Variants in POTEC observed in about 807,000 individuals in gnomAD.
The protein encoded by POTEC is POTE ankyrin domain family member C, also known as ANKRD26-like family B member 2.
In POTEC, 35 loss-of-function variants were observed where a neutral mutation model predicts 62.0. The ratio of observed to expected loss-of-function variants is 0.56; its 90% CI spans 0.43 to 0.75. The LOEUF (loss-of-function observed/expected upper bound fraction) is 0.75, where lower values mean the gene tolerates loss of function less well. POTEC is among the 30% of genes least tolerant of loss of function. The pLI, the probability that POTEC is intolerant of heterozygous loss-of-function variation, is 0.00. For synonymous variants in POTEC, 156 were observed against 221.5 expected, an observed-to-expected ratio of 0.70 and a Z score of 2.62; for missense variants, 472 against 655.9, an observed-to-expected ratio of 0.72 and a Z score of 3.06.
chr18:14,520,608 G>A (rs1298824149), intron 9 of POTEC, among the ~76,000 whole-genome samples: 1 of 151,652 alleles, frequency 6.6e-6, no homozygotes, highest in Non-Finnish European at 1.5e-5. Flanking sequence ...ATATGGTGAG[G>A]TGAATACTGA....
In POTEC at chr18:14,510,675, C is replaced by A. The variant is rs1909980496; in HGVS notation, c.*1223G>T. 6.6e-6 allele frequency: 1 copy of A among 152,168 alleles called. No homozygotes were observed. The highest frequency in any genetic ancestry group is 2.1e-4 in the South Asian group (1 of 4,824). The allele number at this position is 152,168 out of a possible 1,614,324, so 9.4% of individuals were successfully genotyped here. A position where few individuals can be genotyped will look rare whatever the true frequency, so the allele number is the denominator to read the frequency against. On this transcript the variant is annotated 3_prime_UTR_variant, in exon 11 of 11. Transcript: ENST00000358970. ...TGAACCTGTTGCCAATCTCAACACA[C>A]CTGTAGGATGTGACTGGAAGCAAGT...
chr18:14,515,515 C>A (rs974387401), intron 9 of POTEC, among the ~76,000 whole-genome samples: 1 of 152,102 alleles, frequency 6.6e-6, no homozygotes. Context: ...AAAATTGGAT[C>A]TCTACCTCTC....
chr18:14,526,947 C>A (rs1203076839), intron 6 of POTEC, among the ~76,000 whole-genome samples: 1 of 152,102 alleles, frequency 6.6e-6, no homozygotes, highest in Non-Finnish European at 1.5e-5. Flanking sequence ...TACTACGTAG[C>A]AAATTCTTAA....
rs45502401 is a variant in POTEC at position 14,543,093 on chromosome 18, G to T, written c.54C>A (p.Phe18Leu). 4 of 1,613,840 alleles carry T rather than the reference G, an allele frequency of 2.5e-6. No individual in the cohort carries two copies. In the Admixed American group the frequency reaches 5.0e-5, roughly 20 times the overall value. The change falls in exon 1 of 11, where the codon TTC becomes TTA. Residue 18 changes from phenylalanine (F) to leucine (L), a missense_variant. Around this residue, in one of 5 missense-constraint regions of POTEC, gnomAD observed 257 missense variants for 250.7 expected, o/e 1.03. Coordinates refer to ENST00000358970, the MANE Select transcript of POTEC (RefSeq NM_001137671.2). The stretch of plus-strand genomic sequence containing the variant: ...ACTTGCCCATCTTGCTCCTGAGATC[G>T]AATGGCTTCTTCACAGCAGAGGCAG... ...MPAASAVKKPFDLRSKMGKWF... is the reference protein window; with the variant it reads ...MPAASAVKKPLDLRSKMGKWF...
Position 14,511,990 on chromosome 18 carries a change from A to G in POTEC, c.1537T>C (p.Ser513Pro). ...TCTTCTTCTTTCTTATGACTAAGAGAAAGCTAAGTAAACAAAGGGAACTTT... is the reference window on the plus strand; with the variant it reads ...TCTTCTTCTTTCTTATGACTAAGAGGAAGCTAAGTAAACAAAGGGAACTTT... ...VAEKKMNSEL[S>P]LSHKKEEDLL... The change falls in exon 11 of 11, where the codon TCT (serine) becomes CCT (proline). Residue 513 changes from serine (S) to proline (P), a missense_variant. By Grantham distance (74) the Ser-to-Pro change is moderately conservative. Around this residue, in one of 5 missense-constraint regions of POTEC, gnomAD observed 67 missense variants for 58.3 expected, o/e 1.15. Coordinates refer to ENST00000358970, the MANE Select transcript of POTEC (RefSeq NM_001137671.2). 6.2e-7 allele frequency: 1 copy of G among 1,610,482 alleles called. No homozygotes were observed. Among genetic ancestry groups the G allele is most frequent in the Non-Finnish European group, 8.5e-7 (1 of 1,178,672 alleles).
chr18:14,537,211 A>ACACAC (rs1555624120), intron 3 of POTEC, among the ~76,000 whole-genome samples: 96 of 49,010 alleles, frequency 2.0e-3, no homozygotes, highest in Middle Eastern at 0.011. Flanking sequence ...ACACACACAC[A>ACACAC]AAAAAAAAAA....
intron 9 of POTEC, among the ~76,000 whole-genome samples, chr18:14,519,841 A>G (rs1910262426): frequency 6.6e-6 from 1 of 152,090 alleles, no homozygotes; most frequent in Non-Finnish European, 1.5e-5. Context: ...TGGACTAGAA[A>G]GGTAGGAGGA....
At chr18:14,523,340 T>G in intron 8 of POTEC, 123 bp downstream of exon 8, 1 of 1,211,524 alleles carries the variant, frequency 8.3e-7, no homozygotes, top group African/African-American at 1.6e-5. Context: ...AATATTAAAT[T>G]TTTCACTGGT....
Position 14,511,534 on chromosome 18 carries a change from G to A in POTEC, c.*364C>T, listed in dbSNP as rs45505294. On this transcript the variant is annotated 3_prime_UTR_variant, in exon 11 of 11. Coordinates refer to ENST00000358970, the MANE Select transcript of POTEC (RefSeq NM_001137671.2). Reference sequence around the variant, plus strand: ...AAAGAATCTCACTGTTATCTTTTAGGTGAGATATATGAGAATTCATTTTCT... The same window carrying A: ...AAAGAATCTCACTGTTATCTTTTAGATGAGATATATGAGAATTCATTTTCT... 8.1e-3 allele frequency: 2,472 copies of A among 303,804 alleles called. 49 individuals are homozygous for A. The highest frequency in any genetic ancestry group is 0.043 in the East Asian group (578 of 13,574). 18.8% of individuals were successfully genotyped at this position (303,804 alleles called of 1,614,324 possible).
At chr18:14,518,248 A>G (rs1226797226) in intron 9 of POTEC, among the ~76,000 whole-genome samples, 2 of 151,952 alleles carry the variant, frequency 1.3e-5, no homozygotes, top group Non-Finnish European at 2.9e-5. Flanking sequence ...TGAGAGTGAG[A>G]AAAACACACA....
In POTEC at chr18:14,543,535, G is replaced by A. The variant is rs1906040272; in HGVS notation, c.-389C>T. On this transcript the variant is annotated 5_prime_UTR_variant, in exon 1 of 11. Coordinates refer to ENST00000358970, the MANE Select transcript of POTEC (RefSeq NM_001137671.2). ...AAGCGACTAACGCCAAGCCAAGCTA[G>A]GAACGCAAGGCCAAGCGAGGAACGC... 2.7e-6 allele frequency: 1 copy of A among 366,652 alleles called. No homozygotes were observed. The highest frequency in any genetic ancestry group is 2.9e-5 in the South Asian group (1 of 34,504). 22.7% of individuals were successfully genotyped at this position (366,652 alleles called of 1,614,324 possible). A position where few individuals can be genotyped will look rare whatever the true frequency, so the allele number is the denominator to read the frequency against.
intron 1 of POTEC, among the ~76,000 whole-genome samples, chr18:14,538,676 T>C (rs1489866440): frequency 6.6e-6 from 1 of 152,082 alleles, no homozygotes; most frequent in Non-Finnish European, 1.5e-5. Flanking sequence ...GATATTATAA[T>C]TTTTACTAAT....
At chr18:14,536,953 A>G (rs1284226768) in intron 3 of POTEC, among the ~76,000 whole-genome samples, 2 of 151,948 alleles carry the variant, frequency 1.3e-5, no homozygotes, top group Non-Finnish European at 2.9e-5. Context: ...AGAATAGGAT[A>G]CTAAGTTGGT....
In POTEC at chr18:14,530,053, T is replaced by C. The variant is rs556106458; in HGVS notation, c.1126+430A>G. 3.9e-4 allele frequency among the ~76,000 whole-genome samples: 60 copies of C among 152,056 alleles called. 1 individual carries two copies. In the South Asian group the frequency reaches 0.012, roughly 31 times the overall value. ...CACCTGTACTTACGGCCACACCCCA[T>C]GGCTCATATTACCGCCTGAACTCTG... On this transcript the variant is annotated intron_variant, in intron 6 of 10. Coordinates refer to ENST00000358970, the MANE Select transcript of POTEC (RefSeq NM_001137671.2).
At chr18:14,535,722 T>C (rs1567914967) in intron 3 of POTEC, among the ~76,000 whole-genome samples, 2 of 152,048 alleles carry the variant, frequency 1.3e-5, no homozygotes, top group Non-Finnish European at 2.9e-5. Flanking sequence ...AAAAAAGGTT[T>C]AGAATTTGCT....
Position 14,513,731 on chromosome 18 carries a change from T to C in POTEC, c.1464A>G (p.Ile488Met). Residue 488 changes from isoleucine (I) to methionine (M), a missense_variant, in exon 10 of 11, where the codon ATA (isoleucine) becomes ATG (methionine). Physicochemically the swap from Ile to Met is conservative, Grantham distance 10. This residue lies in a region of POTEC where 83 missense variants were observed against 254.3 expected (regional missense o/e 0.33). Coordinates refer to ENST00000358970, the MANE Select transcript of POTEC (RefSeq NM_001137671.2). Reference sequence around the variant, plus strand: ...TATTAGTCAGAATCTCATCTTGTGATATTCCAGTGTTCTGTTCTTCAGAAA... The same window carrying C: ...TATTAGTCAGAATCTCATCTTGTGACATTCCAGTGTTCTGTTCTTCAGAAA... ...KQLSEEQNTGISQDEILTNKQ... is the reference protein window; with the variant it reads ...KQLSEEQNTGMSQDEILTNKQ... 6.2e-7 allele frequency: 1 copy of C among 1,611,640 alleles called. No individual in the cohort carries two copies. Among genetic ancestry groups the C allele is most frequent in the South Asian group, 1.1e-5 (1 of 90,832 alleles).
chr18:14,521,924 G>A (rs2143127525), intron 9 of POTEC, among the ~76,000 whole-genome samples: 1 of 152,222 alleles, frequency 6.6e-6, no homozygotes, highest in East Asian at 1.9e-4. Context: ...TTATGTGGCT[G>A]ATGAAATAAT....
chr18:14,529,103 A>G (rs1441984426), intron 6 of POTEC: 3 of 438,206 alleles, frequency 6.8e-6, no homozygotes, highest in Non-Finnish European at 1.4e-5. Flanking sequence ...CTTTTTTTCA[A>G]AACTTTCATT....
chr18:14,532,131 CTCTT>C (rs1905543728), intron 5 of POTEC, among the ~76,000 whole-genome samples: 1 of 151,892 alleles, frequency 6.6e-6, no homozygotes, highest in African/African-American at 2.4e-5. Context: ...AAACACTGAT[CTCTT>C]TCTGCCACAT....
Sources: gnomAD v4.1 joint callset for allele counts (sites outside exome capture counted in the v4.1 genomes callset) on GRCh38, gnomAD v4.1.1 for gene constraint, gnomAD v4.1.1 regional missense constraint, MANE v1.5 for transcripts, NCBI Gene and HGNC (gene_info 2026-07-23, HGNC 2026-07-21) for gene names.